ZDHHC15: variants seen among roughly 807,000 people sequenced by gnomAD.
The protein encoded by ZDHHC15 is zDHHC palmitoyltransferase 15.
Under a neutral mutation model 31.7 loss-of-function variants are expected in ZDHHC15, and 19 were observed. That is an observed-to-expected ratio of 0.60 (90% CI 0.42 to 0.88). The LOEUF (loss-of-function observed/expected upper bound fraction) is 0.88, where lower values mean the gene tolerates loss of function less well. ZDHHC15 is among the 40% of genes least tolerant of loss of function. ZDHHC15 has a pLI of 0.00. For synonymous variants in ZDHHC15, 103 were observed against 90.0 expected (o/e 1.14, Z -0.82); for missense variants, 209 against 251.2 (o/e 0.83, Z 1.14).
intron 4 of ZDHHC15, 94 bp downstream of exon 4, chrX:75,450,708 A>AG (rs373017530): frequency 1.7e-6 from 2 of 1,202,439 alleles, no homozygotes; most frequent in Non-Finnish European, 2.2e-6. Flanking sequence ...AGAAGATGGG[A>AG]GGAAAAAAAA....
At chrX:75,517,203 G>A (rs1420766557) in intron 1 of ZDHHC15, among the ~76,000 whole-genome samples, 1 of 111,695 alleles carries the variant, frequency 9.0e-6, no homozygotes, top group Non-Finnish European at 1.9e-5. Context: ...TCTAGAACTA[G>A]AAATACTAAT....
intron 4 of ZDHHC15, among the ~76,000 whole-genome samples, chrX:75,441,623 T>C (rs2083942061): frequency 1.1e-5 from 1 of 88,384 alleles, no homozygotes; most frequent in African/African-American, 3.7e-5. Context: ...TGGTAGTTCT[T>C]TTTTTTTTTT....
chrX:75,506,543 TTTTTC>T (rs1420316672), intron 1 of ZDHHC15, among the ~76,000 whole-genome samples: 1 of 111,984 alleles, frequency 8.9e-6, no homozygotes, highest in Non-Finnish European at 1.9e-5. Flanking sequence ...CCAGACAATG[TTTTTC>T]TTTTTTCTAA....
intron 3 of ZDHHC15, among the ~76,000 whole-genome samples, chrX:75,470,059 G>T (rs1054518419): frequency 9.0e-6 from 1 of 111,443 alleles, no homozygotes; most frequent in Non-Finnish European, 1.9e-5. Flanking sequence ...TGGACTGAGG[G>T]ATGCAAAGGA....
At chrX:75,419,565 G>C (rs1487404041) in intron 9 of ZDHHC15, among the ~76,000 whole-genome samples, 1 of 110,947 alleles carries the variant, frequency 9.0e-6, no homozygotes, top group Non-Finnish European at 1.9e-5. Context: ...TCTAGAACTA[G>C]AAATACCATT....
chrX:75,421,408 T>TCTA (rs2083629821), intron 9 of ZDHHC15, among the ~76,000 whole-genome samples: 1 of 8,840 alleles, frequency 1.1e-4, no homozygotes, highest in African/African-American at 1.6e-4. Flanking sequence ...ATTATATATA[T>TCTA]ATAATATATA....
At position 75,378,915 on chromosome X, in the gene ZDHHC15, T is replaced by C. The variant is rs1043158319; in HGVS notation, c.*32+205A>G. 4.1e-4 allele frequency among the ~76,000 whole-genome samples: 46 copies of C among 111,753 alleles called. 1 individual carries two copies. The highest frequency in any genetic ancestry group is 1.5e-3 in the African/African-American group (46 of 30,755). On this transcript the variant is annotated intron_variant, in intron 11 of 11. Transcript: ENST00000373367. ...AGCACAAGTGACATAAGTGTGAGTTTGCAGGGAATAAGGGCATCTTTTTTT... is the reference window on the plus strand; with the variant it reads ...AGCACAAGTGACATAAGTGTGAGTTCGCAGGGAATAAGGGCATCTTTTTTT...
intron 2 of ZDHHC15, among the ~76,000 whole-genome samples, chrX:75,489,513 G>C (rs1053417505): frequency 1.8e-5 from 2 of 112,062 alleles, no homozygotes; most frequent in Non-Finnish European, 3.8e-5. Flanking sequence ...AATTCCAACA[G>C]ACCTGCAGCT....
chrX:75,375,023 T>G (rs983889352), intron 11 of ZDHHC15, among the ~76,000 whole-genome samples: 5 of 111,448 alleles, frequency 4.5e-5, no homozygotes, highest in Non-Finnish European at 7.5e-5. Flanking sequence ...CTCACCAGAT[T>G]GTATATTATA....
At chrX:75,458,991 CAAAAA>C (rs775652299) in intron 3 of ZDHHC15, among the ~76,000 whole-genome samples, 1 of 15,686 alleles carries the variant, frequency 6.4e-5, no homozygotes, top group Non-Finnish European at 1.8e-4. Context: ...GGCACAGAGA[CAAAAA>C]AAAAAAAAAA....
chrX:75,500,439 A>G (rs1333516634), intron 2 of ZDHHC15, among the ~76,000 whole-genome samples: 1 of 110,060 alleles, frequency 9.1e-6, no homozygotes, highest in African/African-American at 3.3e-5. Context: ...GTATCACTCA[A>G]TTAAAATAAA....
intron 3 of ZDHHC15, among the ~76,000 whole-genome samples, chrX:75,464,361 C>A (rs1602671569): frequency 9.0e-6 from 1 of 110,696 alleles, no homozygotes; most frequent in Non-Finnish European, 1.9e-5. Context: ...GTGCAGCACA[C>A]CAACATGGCA....
intron 11 of ZDHHC15, among the ~76,000 whole-genome samples, chrX:75,375,924 C>T (rs780159690): frequency 1.8e-5 from 2 of 111,333 alleles, no homozygotes; most frequent in Non-Finnish European, 3.8e-5. Context: ...GTATATATAC[C>T]CAGTAATGGG....
chrX:75,373,924 C>CTTTTTTTTTTTTTTTTTTTTTT (rs1298329750), intron 11 of ZDHHC15, among the ~76,000 whole-genome samples: 1 of 19,055 alleles, frequency 5.2e-5, no homozygotes, highest in African/African-American at 1.0e-4. Context: ...TTCATTCTTT[C>CTTTTTTTTTTTTTTTTTTTTTT]TGTTTTTTTT....
At chrX:75,387,054 A>G (rs1273226286) in intron 10 of ZDHHC15, among the ~76,000 whole-genome samples, 1 of 111,603 alleles carries the variant, frequency 9.0e-6, no homozygotes, top group Non-Finnish European at 1.9e-5. Context: ...TTGGATGGGC[A>G]GTGCTCCCAT....
intron 2 of ZDHHC15, among the ~76,000 whole-genome samples, chrX:75,486,802 C>A (rs1449326763): frequency 1.8e-5 from 2 of 110,970 alleles, no homozygotes; most frequent in African/African-American, 6.6e-5. Context: ...AGAATCACCG[C>A]CCCTCCACCA....
intron 3 of ZDHHC15, among the ~76,000 whole-genome samples, chrX:75,459,511 A>AC (rs1161064767): frequency 9.9e-5 from 11 of 110,641 alleles, no homozygotes; most frequent in Admixed American, 3.9e-4. Context: ...AGGAGGAAGG[A>AC]CCCCCCAACA....
intron 2 of ZDHHC15, among the ~76,000 whole-genome samples, chrX:75,494,228 G>A (rs1390841575): frequency 9.0e-6 from 1 of 111,185 alleles, no homozygotes; most frequent in Non-Finnish European, 1.9e-5. Context: ...AGTTACAAGG[G>A]ACGTGAAGGA....
intron 4 of ZDHHC15, among the ~76,000 whole-genome samples, chrX:75,446,061 C>A (rs1259384416): frequency 1.8e-5 from 2 of 111,701 alleles, no homozygotes; most frequent in African/African-American, 6.5e-5. Flanking sequence ...CCAATGAAGA[C>A]ACGTACTACA....
Sources: gnomAD v4.1 joint callset for allele counts (sites outside exome capture counted in the v4.1 genomes callset) on GRCh38, gnomAD v4.1.1 for gene constraint, MANE v1.5 for transcripts, NCBI Gene and HGNC (gene_info 2026-07-23, HGNC 2026-07-21) for gene names.